Variants in MAST4 observed in about 807,000 individuals in gnomAD.
MAST4 encodes microtubule associated serine/threonine kinase family member 4.
A neutral mutation model predicts 162.7 loss-of-function variants in MAST4; 89 were observed. That is an observed-to-expected ratio of 0.55 (90% CI 0.46 to 0.65). The LOEUF is 0.65. MAST4 is among the 30% of genes least tolerant of loss of function. The pLI, the probability that MAST4 is intolerant of heterozygous loss-of-function variation, is 0.00. For missense variants in MAST4, 3,153 were observed against 3,374.0 expected (o/e 0.93, Z 1.62); for synonymous variants, 1,479 against 1,361.1 (o/e 1.09, Z -1.91).
At chr5:66,681,596 G>C (rs1407862072) in intron 1 of MAST4, among the ~76,000 whole-genome samples, 1 of 152,228 alleles carries the variant, frequency 6.6e-6, no homozygotes, top group African/African-American at 2.4e-5. Context: ...CTTGGGCTCT[G>C]CCCTTGTTCA....
intron 3 of MAST4, among the ~76,000 whole-genome samples, chr5:66,861,261 A>G (rs921226547): frequency 1.3e-5 from 2 of 152,208 alleles, no homozygotes; most frequent in South Asian, 2.1e-4. Flanking sequence ...TGTGAAATCA[A>G]TTATGAGGAG....
intron 4 of MAST4, among the ~76,000 whole-genome samples, chr5:67,050,427 C>T (rs967637815): frequency 6.6e-6 from 1 of 152,182 alleles, no homozygotes; most frequent in Non-Finnish European, 1.5e-5. Flanking sequence ...CATGCCTGCT[C>T]ACCTCCTGCC....
At chr5:67,131,060 C>A (rs1478991773) in intron 15 of MAST4, among the ~76,000 whole-genome samples, 1 of 151,980 alleles carries the variant, frequency 6.6e-6, no homozygotes, top group African/African-American at 2.4e-5. Context: ...AACAGAATCC[C>A]AAAACTATAA....
At chr5:67,059,167 T>G (rs969157489) in intron 5 of MAST4, among the ~76,000 whole-genome samples, 1 of 152,232 alleles carries the variant, frequency 6.6e-6, no homozygotes, top group Non-Finnish European at 1.5e-5. Flanking sequence ...AGCAAGGAGC[T>G]GCTTTTCAGC....
At chr5:66,649,678 C>T (rs1225824388) in intron 1 of MAST4, among the ~76,000 whole-genome samples, 2 of 152,176 alleles carry the variant, frequency 1.3e-5, no homozygotes, top group Non-Finnish European at 2.9e-5. Context: ...TAACACCCTG[C>T]CTTTGTTCTT....
At chr5:66,653,433 G>A (rs1746353137) in intron 1 of MAST4, among the ~76,000 whole-genome samples, 1 of 152,164 alleles carries the variant, frequency 6.6e-6, no homozygotes, top group Non-Finnish European at 1.5e-5. Context: ...TGCTGGGCCA[G>A]CCCCCTCACA....
At chr5:67,126,576 G>A (rs1390864692) in intron 14 of MAST4, among the ~76,000 whole-genome samples, 4 of 152,156 alleles carry the variant, frequency 2.6e-5, no homozygotes, top group South Asian at 2.1e-4. Flanking sequence ...TTATTTCTGA[G>A]CCCTCCGTTC....
chr5:66,793,533 C>T (rs550535508), intron 3 of MAST4, among the ~76,000 whole-genome samples: 1 of 152,300 alleles, frequency 6.6e-6, no homozygotes, highest in Non-Finnish European at 1.5e-5. Flanking sequence ...AAAGCAGGAC[C>T]AGTGGCAACT....
At chr5:66,840,653 T>C (rs1758357435) in intron 3 of MAST4, among the ~76,000 whole-genome samples, 1 of 152,142 alleles carries the variant, frequency 6.6e-6, no homozygotes, top group Non-Finnish European at 1.5e-5. Context: ...TTAGTGGATG[T>C]ATCATGAGCA....
chr5:66,857,204 T>C (rs568095964), intron 3 of MAST4, among the ~76,000 whole-genome samples: 7 of 152,340 alleles, frequency 4.6e-5, no homozygotes, highest in Admixed American at 1.3e-4. Flanking sequence ...TTTTTAGATA[T>C]CTACATTGAT....
intron 4 of MAST4, among the ~76,000 whole-genome samples, chr5:66,938,095 A>G (rs1580941007): frequency 6.6e-6 from 1 of 152,224 alleles, no homozygotes; most frequent in Admixed American, 6.5e-5. Context: ...TAGATACAAA[A>G]TTATGTACAA....
chr5:67,095,201 A>G (rs1004540506), intron 6 of MAST4, among the ~76,000 whole-genome samples: 1 of 152,192 alleles, frequency 6.6e-6, no homozygotes, highest in African/African-American at 2.4e-5. Context: ...CCCTTGTGCC[A>G]TGCTGGAAGT....
intron 12 of MAST4, among the ~76,000 whole-genome samples, chr5:67,117,688 ATCAC>A (rs1056449435): frequency 1.3e-5 from 2 of 152,092 alleles, no homozygotes; most frequent in African/African-American, 4.8e-5. Flanking sequence ...CTGTGATCCT[ATCAC>A]TCAGATAAGA....
At chr5:66,948,120 T>G (rs1263713425) in intron 4 of MAST4, among the ~76,000 whole-genome samples, 1 of 152,098 alleles carries the variant, frequency 6.6e-6, no homozygotes, top group East Asian at 1.9e-4. Flanking sequence ...GGCTGGCAGC[T>G]TAAAGACTTA....
intron 3 of MAST4, among the ~76,000 whole-genome samples, chr5:66,888,989 A>G (rs529571522): frequency 6.6e-6 from 1 of 152,330 alleles, no homozygotes; most frequent in Non-Finnish European, 1.5e-5. Context: ...GAAGAATCCT[A>G]TAGATTTATA....
intron 1 of MAST4, among the ~76,000 whole-genome samples, chr5:66,618,054 G>T (rs1361309158): frequency 2.0e-5 from 3 of 150,144 alleles, no homozygotes; most frequent in Non-Finnish European, 3.0e-5. Flanking sequence ...CCCTGATTCT[G>T]TGTCTATGCG....
intron 2 of MAST4, among the ~76,000 whole-genome samples, chr5:66,764,923 G>A (rs1754022383): frequency 6.6e-6 from 1 of 152,102 alleles, no homozygotes; most frequent in South Asian, 2.1e-4. Flanking sequence ...CTGACTCCCT[G>A]GTAGCAACTT....
intron 2 of MAST4, among the ~76,000 whole-genome samples, chr5:66,777,126 CTAA>C (rs930906132): frequency 2.0e-4 from 30 of 152,176 alleles, no homozygotes; most frequent in African/African-American, 7.2e-4. Context: ...GACTCTCTAG[CTAA>C]TAAATGGTGA....
intron 3 of MAST4, among the ~76,000 whole-genome samples, chr5:66,892,544 G>A (rs1294956088): frequency 1.3e-5 from 2 of 152,162 alleles, no homozygotes; most frequent in African/African-American, 4.8e-5. Context: ...CTGTATTACT[G>A]AAATTACAGA....
Sources: gnomAD v4.1 joint callset for allele counts (sites outside exome capture counted in the v4.1 genomes callset) on GRCh38, gnomAD v4.1.1 for gene constraint, MANE v1.5 for transcripts, NCBI Gene and HGNC (gene_info 2026-07-23, HGNC 2026-07-21) for gene names.